NRXN3: variants seen among roughly 807,000 people sequenced by gnomAD.
NRXN3 encodes neurexin 3.
A neutral mutation model predicts 137.6 loss-of-function variants in NRXN3; 32 were observed. That is an observed-to-expected ratio of 0.23 (90% CI 0.18 to 0.31). NRXN3 has a LOEUF of 0.31. Among genes scored for constraint, NRXN3 ranks in the 10% least tolerant of loss-of-function variants. The probability of loss-of-function intolerance (pLI) is 1.00; values close to 1 mark genes in which losing one functional copy is unlikely to be tolerated. For missense variants in NRXN3, 1,574 were observed against 2,062.5 expected (o/e 0.76, Z 4.59); for synonymous variants, 798 against 784.5 (o/e 1.02, Z -0.29).
At chr14:79,617,081 A>G (rs957575292) in intron 16 of NRXN3, among the ~76,000 whole-genome samples, 4 of 152,112 alleles carry the variant, frequency 2.6e-5, no homozygotes, top group African/African-American at 9.7e-5. Context: ...TGGGACCCAC[A>G]TACTCACTCA....
At chr14:78,779,906 A>G (rs2098762515) in intron 8 of NRXN3, among the ~76,000 whole-genome samples, 1 of 152,206 alleles carries the variant, frequency 6.6e-6, no homozygotes, top group Admixed American at 6.5e-5. Context: ...ATAAATCCAC[A>G]CATTTCCACT....
intron 15 of NRXN3, among the ~76,000 whole-genome samples, chr14:79,358,666 A>AAAGAAAGAAAGT (rs1199503184): frequency 6.8e-5 from 10 of 147,350 alleles, no homozygotes; most frequent in African/African-American, 9.9e-5. Context: ...AGAAAGAAAG[A>AAAGAAAGAAAGT]AAGTGTCCTA....
chr14:78,232,468 G>A (rs1239028302), intron 1 of NRXN3, among the ~76,000 whole-genome samples: 1 of 152,010 alleles, frequency 6.6e-6, no homozygotes, highest in African/African-American at 2.4e-5. Flanking sequence ...CTCTTTGTGT[G>A]GAGAGAGTTG....
intron 16 of NRXN3, among the ~76,000 whole-genome samples, chr14:79,477,038 A>C (rs1427850970): frequency 6.6e-6 from 1 of 152,092 alleles, no homozygotes; most frequent in Non-Finnish European, 1.5e-5. Flanking sequence ...GAGGGGAATG[A>C]AAATCATATG....
chr14:78,231,379 C>G (rs2065371737), intron 1 of NRXN3: 1 of 152,346 alleles, frequency 6.6e-6, no homozygotes, highest in Non-Finnish European at 1.5e-5. Context: ...TGACTACTTG[C>G]TATGAATGGC....
intron 8 of NRXN3, among the ~76,000 whole-genome samples, chr14:78,783,161 T>C (rs2098776085): frequency 6.6e-6 from 1 of 152,212 alleles, no homozygotes; most frequent in Non-Finnish European, 1.5e-5. Context: ...TGGAAGATCC[T>C]GACTTTATCA....
intron 14 of NRXN3, 125 bp downstream of exon 14, chr14:78,968,471 A>G (rs546621780): frequency 1.4e-4 from 110 of 760,940 alleles, no homozygotes; most frequent in South Asian, 4.8e-4. Context: ...GCCACGTGAC[A>G]TTGCATCACC....
intron 16 of NRXN3, among the ~76,000 whole-genome samples, chr14:79,486,965 C>T (rs1423386724): frequency 6.7e-6 from 1 of 149,238 alleles, no homozygotes; most frequent in East Asian, 2.0e-4. Flanking sequence ...CTCTCTCCCA[C>T]ACACACACAC....
intron 14 of NRXN3, among the ~76,000 whole-genome samples, chr14:78,987,233 G>A (rs751628337): frequency 3.3e-5 from 5 of 151,732 alleles, no homozygotes; most frequent in African/African-American, 7.3e-5. Flanking sequence ...GGTTGTGGTC[G>A]TCTGAGAACT....
intron 8 of NRXN3, among the ~76,000 whole-genome samples, chr14:78,790,793 G>C (rs1447810495): frequency 6.6e-6 from 1 of 152,170 alleles, no homozygotes; most frequent in Non-Finnish European, 1.5e-5. Flanking sequence ...GATGGCTTAA[G>C]GGCTGGTGGG....
intron 16 of NRXN3, among the ~76,000 whole-genome samples, chr14:79,509,900 A>C (rs972625766): frequency 6.6e-6 from 1 of 152,158 alleles, no homozygotes; most frequent in African/African-American, 2.4e-5. Context: ...AAAAAACAAC[A>C]ACCTCCAAAA....
At chr14:78,866,936 T>C (rs975236368) in intron 10 of NRXN3, among the ~76,000 whole-genome samples, 8 of 151,392 alleles carry the variant, frequency 5.3e-5, no homozygotes, top group African/African-American at 1.9e-4. Context: ...CAGCTGAGAC[T>C]ACAGGCACAC....
intron 1 of NRXN3, among the ~76,000 whole-genome samples, chr14:78,216,787 G>A (rs1447629715): frequency 1.3e-5 from 2 of 152,188 alleles, no homozygotes; most frequent in Non-Finnish European, 2.9e-5. Flanking sequence ...CCCTCTGAAG[G>A]CTCTAGGGAA....
chr14:78,845,447 C>T (rs2099023855), intron 10 of NRXN3, among the ~76,000 whole-genome samples: 1 of 152,024 alleles, frequency 6.6e-6, no homozygotes, highest in African/African-American at 2.4e-5. Context: ...ATTCTTAATT[C>T]TCAGATATTA....
intron 15 of NRXN3, among the ~76,000 whole-genome samples, chr14:79,070,915 A>C (rs544767556): frequency 6.9e-4 from 105 of 152,282 alleles, no homozygotes; most frequent in African/African-American, 1.6e-3. Context: ...GATGGAGCAA[A>C]CATGTAGTTT....
intron 19 of NRXN3, among the ~76,000 whole-genome samples, chr14:79,781,524 A>G (rs1187821404): frequency 6.6e-6 from 1 of 152,110 alleles, no homozygotes; most frequent in Non-Finnish European, 1.5e-5. Flanking sequence ...ATCATGTTCT[A>G]TTTTCTTCTC....
At chr14:79,328,598 T>A (rs2091251214) in intron 15 of NRXN3, among the ~76,000 whole-genome samples, 1 of 152,226 alleles carries the variant, frequency 6.6e-6, no homozygotes. Flanking sequence ...CATGTTGTTT[T>A]ATATTTGCTC....
chr14:79,040,507 C>A (rs1358871411), intron 15 of NRXN3, among the ~76,000 whole-genome samples: 1 of 152,062 alleles, frequency 6.6e-6, no homozygotes, highest in African/African-American at 2.4e-5. Context: ...GTGCATGGTA[C>A]AATTTCATAT....
intron 11 of NRXN3, among the ~76,000 whole-genome samples, chr14:78,957,593 G>A (rs1417416136): frequency 6.6e-6 from 1 of 152,004 alleles, no homozygotes; most frequent in Non-Finnish European, 1.5e-5. Flanking sequence ...CATATTTATG[G>A]GTCTCTCTCC....
Sources: gnomAD v4.1 joint callset for allele counts (sites outside exome capture counted in the v4.1 genomes callset) on GRCh38, gnomAD v4.1.1 for gene constraint, MANE v1.5 for transcripts, NCBI Gene and HGNC (gene_info 2026-07-23, HGNC 2026-07-21) for gene names.